The following CCDC178 variants were observed in gnomAD, a reference collection of about 807,000 sequenced individuals.
CCDC178 encodes the protein coiled-coil domain-containing protein 178.
In CCDC178, 126 loss-of-function variants were observed where a neutral mutation model predicts 117.4. The observed-to-expected ratio is 1.07, with a 90% CI of 0.93 to 1.24. The LOEUF is 1.24. Ranked by LOEUF, CCDC178 falls within the 50% of genes most tolerant of loss-of-function variation. The pLI is 0.00. For synonymous variants in CCDC178, 283 were observed against 313.4 expected (o/e 0.90, Z 1.02); for missense variants, 1,030 against 986.9 (o/e 1.04, Z -0.59).
chr18:33,318,779 C>T (rs1482093874), intron 11 of CCDC178, among the ~76,000 whole-genome samples: 1 of 151,910 alleles, frequency 6.6e-6, no homozygotes, highest in Non-Finnish European at 1.5e-5. Context: ...ACAGGCAAAA[C>T]AGCCAAAGGA....
chr18:33,314,625 C>T (rs1393480686), intron 11 of CCDC178, among the ~76,000 whole-genome samples: 2 of 152,114 alleles, frequency 1.3e-5, no homozygotes, highest in Non-Finnish European at 2.9e-5. Flanking sequence ...AGTAAAAGCC[C>T]TTCAGGCCTA....
intron 2 of CCDC178, among the ~76,000 whole-genome samples, chr18:33,424,704 G>A (rs1460998764): frequency 1.3e-5 from 2 of 152,180 alleles, no homozygotes; most frequent in Admixed American, 6.5e-5. Flanking sequence ...TAAAGGCAAG[G>A]GAGAGGCTGA....
chr18:33,293,092 A>T, intron 12 of CCDC178, 67 bp downstream of exon 12: 1 of 1,146,676 alleles, frequency 8.7e-7, no homozygotes, highest in African/African-American at 1.6e-5. Context: ...ATTATTGACA[A>T]AAAAGTTTAC....
intron 20 of CCDC178, among the ~76,000 whole-genome samples, chr18:33,099,676 TTGC>T (rs201139956): frequency 0.011 from 1,726 of 152,106 alleles, 20 homozygotes; most frequent in Non-Finnish European, 0.017. Flanking sequence ...CATTATTGCA[TTGC>T]TGCTCCCTTA....
Position 33,073,541 on chromosome 18 carries a change from ATCTATCTATC to A in CCDC178, c.2388+19210_2388+19219del, listed in dbSNP as rs967757578. On this transcript the variant is annotated intron_variant, in intron 21 of 22. Coordinates refer to ENST00000383096, the MANE Select transcript of CCDC178 (RefSeq NM_001105528.4). Reference sequence around the variant, plus strand: ...TATCTATCTATCTATCTATCTATCTATCTATCTATCTATATATATATCTTTGCAGACTTTC... The same window carrying A: ...TATCTATCTATCTATCTATCTATCTATATATATATATCTTTGCAGACTTTC... Among the ~76,000 whole-genome samples the A allele has an allele frequency of 1.0e-3, 157 of 150,094 alleles. 1 individual carries two copies. Among genetic ancestry groups the A allele is most frequent in the African/African-American group, 2.6e-3 (104 of 40,176 alleles).
At chr18:33,343,366 G>T (rs1054078188) in intron 9 of CCDC178, among the ~76,000 whole-genome samples, 2 of 152,128 alleles carry the variant, frequency 1.3e-5, no homozygotes, top group Non-Finnish European at 2.9e-5. Flanking sequence ...ATTCATGATG[G>T]TAAGCTTATT....
chr18:33,303,523 A>T (rs2062207516), intron 11 of CCDC178, among the ~76,000 whole-genome samples: 2 of 152,094 alleles, frequency 1.3e-5, no homozygotes, highest in African/African-American at 4.8e-5. Flanking sequence ...TGTAAGTTTG[A>T]TGTTGTAACA....
chr18:32,945,020 T>C (rs1305850418), intron 22 of CCDC178, among the ~76,000 whole-genome samples: 1 of 152,186 alleles, frequency 6.6e-6, no homozygotes, highest in Non-Finnish European at 1.5e-5. Context: ...ATCAGCAGCA[T>C]GAAAACAGAA....
At chr18:33,278,622 T>C (rs1038246966) in intron 12 of CCDC178, among the ~76,000 whole-genome samples, 1 of 152,116 alleles carries the variant, frequency 6.6e-6, no homozygotes, top group African/African-American at 2.4e-5. Flanking sequence ...AGAAAATGAC[T>C]GAATTTACCA....
intron 10 of CCDC178, chr18:33,328,218 T>A (rs1444806446): frequency 4.0e-6 from 1 of 249,304 alleles, no homozygotes; most frequent in Admixed American, 5.9e-5. Flanking sequence ...TTCTTCTGCC[T>A]CCACCTTCTG....
At chr18:33,285,757 T>C (rs1364311945) in intron 12 of CCDC178, among the ~76,000 whole-genome samples, 1 of 152,180 alleles carries the variant, frequency 6.6e-6, no homozygotes, top group African/African-American at 2.4e-5. Flanking sequence ...TATTCCTATG[T>C]AAACTGCTTT....
At position 33,224,806 on chromosome 18, in the gene CCDC178, C is replaced by A; in HGVS notation, c.1787G>T (p.Arg596Ile). The change falls in exon 17 of 23, where the codon AGA becomes ATA. Residue 596 changes from arginine to isoleucine, a missense_variant. Coordinates refer to ENST00000383096, the MANE Select transcript of CCDC178 (RefSeq NM_001105528.4). ...PLLQLEDEAE[R>I]IRSLDKEHSV... ...ATGTTCTTTGTCGAGACTTCTGATT[C>A]TTTCAGCTTCATCTTCTAGTTGAAG... is the stretch of plus-strand genomic sequence containing the variant. The A allele has an allele frequency of 6.5e-7, 1 of 1,542,860 alleles. No homozygotes were observed. Among genetic ancestry groups the A allele is most frequent in the Non-Finnish European group, 8.7e-7 (1 of 1,143,298 alleles).
chr18:33,346,983 A>T (rs1038346010), intron 8 of CCDC178, among the ~76,000 whole-genome samples: 2 of 152,152 alleles, frequency 1.3e-5, no homozygotes, highest in Non-Finnish European at 2.9e-5. Context: ...CCTGGTTCAC[A>T]GTTCTGGAAT....
chr18:32,971,853 G>A (rs6507000), intron 22 of CCDC178, among the ~76,000 whole-genome samples: 141,563 of 152,200 alleles, frequency 0.93, 66,372 homozygotes, highest in Non-Finnish European at 0.99. Flanking sequence ...ATCCTTTGCC[G>A]ACATTTTCAT....
intron 3 of CCDC178, among the ~76,000 whole-genome samples, chr18:33,397,478 C>A (rs1485370504): frequency 6.6e-6 from 1 of 152,058 alleles, no homozygotes; most frequent in East Asian, 1.9e-4. Flanking sequence ...AATAGATTCA[C>A]AATTTTAATA....
At chr18:33,320,380 G>A (rs2144997178) in intron 11 of CCDC178, among the ~76,000 whole-genome samples, 1 of 152,262 alleles carries the variant, frequency 6.6e-6, no homozygotes, top group South Asian at 2.1e-4. Flanking sequence ...AAGCTGATAA[G>A]CAACTTCAGC....
chr18:33,389,341 A>G (rs977423776), intron 5 of CCDC178, among the ~76,000 whole-genome samples, 199 bp downstream of exon 5: 6 of 151,930 alleles, frequency 3.9e-5, no homozygotes, highest in Admixed American at 1.3e-4. Context: ...CAATTCATAA[A>G]CCCAGATTAT....
intron 10 of CCDC178, among the ~76,000 whole-genome samples, chr18:33,325,083 C>T (rs2062566790): frequency 6.6e-6 from 1 of 151,204 alleles, no homozygotes; most frequent in African/African-American, 2.4e-5. Flanking sequence ...AGCAAAATTC[C>T]CCAAAATGAT....
At chr18:33,277,199 A>G (rs897664957) in intron 12 of CCDC178, among the ~76,000 whole-genome samples, 2 of 152,274 alleles carry the variant, frequency 1.3e-5, no homozygotes, top group Admixed American at 6.5e-5. Context: ...ATTCCTGGAA[A>G]ACCCCAGATA....
Sources: gnomAD v4.1 joint callset for allele counts (sites outside exome capture counted in the v4.1 genomes callset) on GRCh38, gnomAD v4.1.1 for gene constraint, MANE v1.5 for transcripts, NCBI Gene and HGNC (gene_info 2026-07-23, HGNC 2026-07-21) for gene names.